KLHL3: variants seen among roughly 807,000 people sequenced by gnomAD.
KLHL3 encodes kelch-like protein 3.
In KLHL3, 19 loss-of-function variants were observed where a neutral mutation model predicts 70.5. The ratio of observed to expected loss-of-function variants is 0.27; its 90% confidence interval spans 0.19 to 0.40. The LOEUF (loss-of-function observed/expected upper bound fraction) is 0.40. Among genes scored for constraint, KLHL3 ranks in the 10% least tolerant of loss-of-function variants. The pLI, the probability that KLHL3 is intolerant of heterozygous loss-of-function variation, is 1.00. For synonymous variants in KLHL3, 258 were observed against 290.3 expected, an observed-to-expected ratio of 0.89 and a Z score of 1.13; for missense variants, 512 against 771.1, an observed-to-expected ratio of 0.66 and a Z score of 3.98.
intron 13 of KLHL3, among the ~76,000 whole-genome samples, chr5:137,627,132 T>C (rs1750486558): frequency 6.6e-6 from 1 of 152,190 alleles, no homozygotes; most frequent in African/African-American, 2.4e-5. Context: ...ATAACCTGTG[T>C]CCAATAGTAG....
chr5:137,645,950 A>G (rs1751035688), intron 8 of KLHL3, among the ~76,000 whole-genome samples: 2 of 152,198 alleles, frequency 1.3e-5, no homozygotes, highest in African/African-American at 2.4e-5. Flanking sequence ...ACATAGACCA[A>G]TGGAATCTAA....
chr5:137,667,554 G>A (rs1751643240), intron 6 of KLHL3, among the ~76,000 whole-genome samples: 1 of 152,180 alleles, frequency 6.6e-6, no homozygotes, highest in African/African-American at 2.4e-5. Flanking sequence ...GAGAATACCA[G>A]ATGAATCCAG....
rs1750534995 is a variant in KLHL3 at position 137,628,318 on chromosome 5, T to G, written c.1570A>C (p.Asn524His). 6.2e-7 allele frequency: 1 copy of G among 1,614,196 alleles called. No homozygotes were observed. The highest frequency in any genetic ancestry group is 8.5e-7 in the Non-Finnish European group (1 of 1,180,032). The change falls in exon 13 of 15, where the codon AAC becomes CAC. Residue 524 changes from asparagine to histidine, a missense_variant. Asn to His is a moderately conservative substitution (Grantham distance 68, BLOSUM62 1). Transcript: ENST00000309755. ...TTACCTGCGTTGCGCCGGCACATGT[T>G]CATGTCTGCCACTTGCTTCCAGGTA... The part of the protein sequence containing the change: ...TNTWKQVADM[N>H]MCRRNAGVCA...
At chr5:137,638,487 T>C (rs1231517252) in intron 10 of KLHL3, among the ~76,000 whole-genome samples, 1 of 152,106 alleles carries the variant, frequency 6.6e-6, no homozygotes, top group Non-Finnish European at 1.5e-5. Flanking sequence ...GGCTCACCTA[T>C]GGTGAAAAAG....
chr5:137,673,263 T>C (rs1306331997), intron 6 of KLHL3, among the ~76,000 whole-genome samples: 2 of 152,182 alleles, frequency 1.3e-5, no homozygotes, highest in Non-Finnish European at 2.9e-5. Flanking sequence ...GCATGCATTT[T>C]ACAAGCAGTT....
intron 11 of KLHL3, among the ~76,000 whole-genome samples, chr5:137,635,470 CAG>C (rs776872089): frequency 3.3e-5 from 5 of 152,232 alleles, no homozygotes; most frequent in African/African-American, 1.2e-4. Flanking sequence ...CTCCAATCCA[CAG>C]AGTCTTTTCC....
chr5:137,677,989 A>G (rs1751928606), intron 5 of KLHL3, among the ~76,000 whole-genome samples: 1 of 152,120 alleles, frequency 6.6e-6, no homozygotes, highest in Non-Finnish European at 1.5e-5. Context: ...TCCATAATTG[A>G]GCTTATTTCC....
rs140409827 is a variant in KLHL3, at chr5:137,707,540, T to C, written c.241+2210A>G. On this transcript the variant is annotated intron_variant, in intron 3 of 14. Transcript: ENST00000309755. ...ATAAAATCTAAAAAGATATAAACCA[T>C]ACTCTTACCTAGATGTTGTAGTACA... 9.2e-3 allele frequency: 1,423 copies of C among 154,394 alleles called. 24 individuals are homozygous for C. The highest frequency in any genetic ancestry group is 0.032 in the African/African-American group (1,318 of 41,636). 9.6% of individuals were successfully genotyped at this position (154,394 alleles called of 1,614,324 possible).
intron 12 of KLHL3, 72 bp from the exon 13 acceptor site, chr5:137,628,509 A>G: frequency 6.4e-7 from 1 of 1,565,198 alleles, no homozygotes. Context: ...CCTGGCATCC[A>G]GTCCTGGACA....
chr5:137,636,376 C>G (rs1416043765), intron 11 of KLHL3, among the ~76,000 whole-genome samples: 3 of 152,188 alleles, frequency 2.0e-5, no homozygotes, highest in Admixed American at 2.0e-4. Flanking sequence ...TCTGAATGAA[C>G]AGATATTCCA....
chr5:137,663,051 T>G (rs909045510), intron 6 of KLHL3, among the ~76,000 whole-genome samples: 5 of 144,292 alleles, frequency 3.5e-5, no homozygotes, highest in Admixed American at 1.4e-4. Flanking sequence ...CCTTGAGCAC[T>G]CGTTCTTTTT....
chr5:137,675,540 T>G (rs1446200129), intron 6 of KLHL3, among the ~76,000 whole-genome samples: 1 of 152,172 alleles, frequency 6.6e-6, no homozygotes, highest in Non-Finnish European at 1.5e-5. Context: ...ATTCCCATTT[T>G]AAATTTAAGG....
intron 6 of KLHL3, 67 bp from the exon 7 acceptor site, chr5:137,662,098 G>C: frequency 8.9e-6 from 3 of 337,522 alleles, no homozygotes; most frequent in Non-Finnish European, 9.4e-6. Flanking sequence ...CCCTCAATCT[G>C]TAAAAAAAAA....
chr5:137,708,959 T>A (rs1752738182), intron 3 of KLHL3, among the ~76,000 whole-genome samples: 1 of 152,188 alleles, frequency 6.6e-6, no homozygotes, highest in Non-Finnish European at 1.5e-5. Flanking sequence ...CCAGATGGCC[T>A]CCTTCTGTCG....
chr5:137,684,419 G>T lies in KLHL3; in HGVS notation c.527-6765C>A, dbSNP rs770993550. Among the ~76,000 whole-genome samples the T allele has an allele frequency of 2.6e-5, 4 of 152,066 alleles. No individual in the cohort carries two copies. In the South Asian group the frequency reaches 8.3e-4, roughly 32 times the overall value. ...TTTTAATGATTTTCCAAATTTTTCT[G>T]CTGCCTTAATTACTTCATTCCATGA... On this transcript the variant is annotated intron_variant, in intron 5 of 14. Transcript: ENST00000309755.
At chr5:137,721,308 G>A (rs1226632695) in intron 1 of KLHL3, 4 of 152,356 alleles carry the variant, frequency 2.6e-5, no homozygotes, top group Admixed American at 2.0e-4. Flanking sequence ...GAGAGCACAA[G>A]AGGGAATATC....
intron 12 of KLHL3, among the ~76,000 whole-genome samples, chr5:137,633,487 A>G (rs1750692434): frequency 6.6e-6 from 1 of 152,066 alleles, no homozygotes; most frequent in South Asian, 2.1e-4. Context: ...AGGAAAAGAA[A>G]TCATTATATT....
intron 6 of KLHL3, among the ~76,000 whole-genome samples, chr5:137,667,478 T>A (rs2149901233): frequency 6.6e-6 from 1 of 152,254 alleles, no homozygotes; most frequent in South Asian, 2.1e-4. Flanking sequence ...GGAAAGGAGT[T>A]GGAGAAAATC....
intron 12 of KLHL3, chr5:137,629,012 G>A (rs187805298): frequency 8.3e-4 from 127 of 152,196 alleles, no homozygotes; most frequent in African/African-American, 2.9e-3. Context: ...TATCATCAGG[G>A]AGGCCTCCCT....
Sources: allele counts gnomAD v4.1 joint callset (sites outside exome capture counted in the v4.1 genomes callset), GRCh38; gene constraint gnomAD v4.1.1; transcripts MANE v1.5; gene names NCBI Gene and HGNC (gene_info 2026-07-23, HGNC 2026-07-21).